The following VRTN variants were observed in gnomAD, a reference collection of about 807,000 sequenced individuals.
VRTN encodes vertebrae development associated, also known as vertnin.
Under a neutral mutation model 18.2 loss-of-function variants are expected in VRTN, and 5 were observed. The ratio of observed to expected loss-of-function variants is 0.27; its 90% confidence interval spans 0.14 to 0.58. VRTN has a LOEUF of 0.58. VRTN is among the 20% of genes least tolerant of loss of function. The pLI is 0.91. For missense variants in VRTN, 741 were observed against 939.4 expected (o/e 0.79, Z 2.76); for synonymous variants, 381 against 393.7 (o/e 0.97, Z 0.38).
At chr14:74,348,181 C>G (rs1020247050), upstream of VRTN, among the ~76,000 whole-genome samples, 21 of 152,306 alleles carry the variant, frequency 1.4e-4, no homozygotes, top group African/African-American at 5.1e-4. Flanking sequence ...AGACTTTCTT[C>G]CCCTAGGTCT....
chr14:74,338,440 A>G (rs983497193), intron 2 of VRTN, among the ~76,000 whole-genome samples: 3 of 152,242 alleles, frequency 2.0e-5, no homozygotes, highest in Non-Finnish European at 4.4e-5. Flanking sequence ...AGCTCTTACC[A>G]TAGAGAATTT....
At chr14:74,325,682 AT>A (rs2140198970) in intron 1 of VRTN, among the ~76,000 whole-genome samples, 1 of 152,222 alleles carries the variant, frequency 6.6e-6, no homozygotes, top group Non-Finnish European at 1.5e-5. Context: ...AGGCAGGAAG[AT>A]TGCTTGATCC....
chr14:74,331,544 T>TTATATATATATATATATATATA (rs1169929236), intron 1 of VRTN, among the ~76,000 whole-genome samples: 1 of 43,444 alleles, frequency 2.3e-5, no homozygotes, highest in Non-Finnish European at 4.9e-5. Flanking sequence ...AAAAAAAATT[T>TTATATATATATATATATATATA]TATATATATA....
At chr14:74,355,590 A>C (rs2085720493) in intron 1 of VRTN, among the ~76,000 whole-genome samples, 1 of 152,156 alleles carries the variant, frequency 6.6e-6, no homozygotes, top group Non-Finnish European at 1.5e-5. Flanking sequence ...GCTTGAGCAC[A>C]GTGGCATGAT....
intron 1 of VRTN, among the ~76,000 whole-genome samples, chr14:74,335,692 T>A (rs532204889): frequency 6.6e-6 from 1 of 152,200 alleles, no homozygotes; most frequent in African/African-American, 2.4e-5. Flanking sequence ...CTTAGAAATT[T>A]TCAATATAGG....
At chr14:74,350,354 C>T (rs762046905) in intron 1 of VRTN, among the ~76,000 whole-genome samples, 1 of 146,362 alleles carries the variant, frequency 6.8e-6, no homozygotes, top group African/African-American at 2.5e-5. Context: ...TGGGTGGAGC[C>T]GGGTGGAACT....
intron 1 of VRTN, among the ~76,000 whole-genome samples, chr14:74,332,182 A>G (rs2085530347): frequency 1.3e-5 from 2 of 151,920 alleles, no homozygotes; most frequent in African/African-American, 4.8e-5. Context: ...ATTTGCACAG[A>G]GGACCCCTCC....
At chr14:74,308,987 C>T (rs1413232088) in intron 1 of VRTN, among the ~76,000 whole-genome samples, 1 of 151,632 alleles carries the variant, frequency 6.6e-6, no homozygotes, top group Non-Finnish European at 1.5e-5. Flanking sequence ...CTCATCCTCT[C>T]GAGTAGCTGG....
Position 74,357,797 on chromosome 14 carries a change from G to A in VRTN, c.1014G>A (p.Arg338=). The A allele has an allele frequency of 1.2e-6, 2 of 1,613,106 alleles. 1 individual carries two copies. Among genetic ancestry groups the A allele is most frequent in the South Asian group, 2.2e-5 (2 of 91,078 alleles). The change falls in exon 2 of 2, where the codon CGG becomes CGA. Residue 338 remains arginine, a synonymous_variant. Coordinates refer to ENST00000256362, the MANE Select transcript of VRTN (RefSeq NM_018228.3). The surrounding 1 kb of genome is among the most constrained non-coding windows in gnomAD (Gnocchi z 7.8). ...GVVPLQQFLQ[R]FPEISRSTYY... is the part of the protein sequence containing the mutation. ...TGCCACTTCAGCAGTTCCTCCAGCG[G>A]TTCCCGGAGATCTCCCGCTCAACCT... is the stretch of plus-strand genomic sequence containing the variant.
chr14:74,312,910 G>A (rs565624144), intron 1 of VRTN, among the ~76,000 whole-genome samples: 6 of 151,800 alleles, frequency 4.0e-5, no homozygotes, highest in African/African-American at 1.2e-4. Flanking sequence ...GCCTGGCTAA[G>A]TTTTATATTT....
chr14:74,330,244 G>A (rs1235215699), intron 1 of VRTN, among the ~76,000 whole-genome samples: 7 of 152,014 alleles, frequency 4.6e-5, no homozygotes, highest in African/African-American at 7.2e-5. Context: ...CTTTTCTAAA[G>A]AAATGGAAGG....
intron 1 of VRTN, among the ~76,000 whole-genome samples, chr14:74,335,755 T>G (rs953452537): frequency 1.1e-4 from 16 of 151,836 alleles, no homozygotes; most frequent in Admixed American, 3.3e-4. Context: ...TTTTTTTTTT[T>G]TGTGAGATAG....
In VRTN at chr14:74,339,260, T is replaced by C. The variant is rs938506635; in HGVS notation, c.-2+1376T>C. On this transcript the variant is annotated intron_variant, in intron 2 of 2. Coordinates refer to the VRTN transcript ENST00000557177. The stretch of plus-strand genomic sequence containing the variant: ...CATTTCATTGGCCCTGTAAAGTAGA[T>C]ATCACTCGCCCCATTTCACAGATGA... 6.6e-5 allele frequency among the ~76,000 whole-genome samples: 10 copies of C among 152,242 alleles called. No homozygotes were observed. The East Asian group carries it at 1.9e-3, about 29-fold the overall frequency.
At chr14:74,306,807 T>C (rs1247155670) in intron 1 of VRTN, among the ~76,000 whole-genome samples, 1 of 151,740 alleles carries the variant, frequency 6.6e-6, no homozygotes, top group Admixed American at 6.6e-5. Flanking sequence ...GGTCTCACTA[T>C]ATTGCCCAGG....
chr14:74,307,101 A>G (rs767469763), intron 1 of VRTN, among the ~76,000 whole-genome samples: 2 of 151,136 alleles, frequency 1.3e-5, no homozygotes, highest in Non-Finnish European at 2.9e-5. Context: ...CTTAGTATAC[A>G]ATAAATCAAG....
Position 74,359,109 on chromosome 14 carries a change from T to C in VRTN, c.*217T>C, listed in dbSNP as rs975843035. 1.1e-6 allele frequency: 1 copy of C among 876,702 alleles called. No homozygotes were observed. Among genetic ancestry groups the C allele is most frequent in the Admixed American group, 3.6e-5 (1 of 28,136 alleles). The allele number at this position is 876,702 out of a possible 1,614,324, so 54.3% of individuals were successfully genotyped here. A position where few individuals can be genotyped will look rare whatever the true frequency, so the allele number is the denominator to read the frequency against. ...CCGTAGGAAACTGTGGGACCAGAGATATCCTCTTTCGTTGTTTGCTGGTCA... is the reference window on the plus strand; with the variant it reads ...CCGTAGGAAACTGTGGGACCAGAGACATCCTCTTTCGTTGTTTGCTGGTCA... On this transcript the variant is annotated 3_prime_UTR_variant, in exon 2 of 2. Coordinates refer to ENST00000256362, the MANE Select transcript of VRTN (RefSeq NM_018228.3).
Position 74,357,500 on chromosome 14 carries a change from T to C in VRTN, c.717T>C (p.Pro239=). 6.2e-7 allele frequency: 1 copy of C among 1,612,866 alleles called. No homozygotes were observed. Among genetic ancestry groups the C allele is most frequent in the South Asian group, 1.1e-5 (1 of 91,058 alleles). The change falls in exon 2 of 2, where the codon CCT becomes CCC. Residue 239 remains proline (P), a synonymous_variant. Transcript: ENST00000256362. The surrounding 1 kb of genome is among the most constrained non-coding windows in gnomAD (Gnocchi z 7.8). ...SHFFRHQYFA[P]VVGLEEVEAE... is the part of the protein sequence containing the mutation. ...TCTTCCGCCACCAGTACTTTGCCCC[T>C]GTGGTGGGGCTGGAAGAGGTGGAGG... is the stretch of plus-strand genomic sequence containing the variant.
At chr14:74,303,051 G>GAA (rs923156605), upstream of VRTN, 14 of 899,144 alleles carry the variant, frequency 1.6e-5, no homozygotes, top group Non-Finnish European at 2.0e-5. Flanking sequence ...GACTCTCCCG[G>GAA]AAGCGACCGA....
rs144946550 is a variant in VRTN, at chr14:74,356,852, C to T, written c.69C>T (p.Gly23=). The T allele has an allele frequency of 1.2e-6, 2 of 1,613,754 alleles. No homozygotes were observed. The highest frequency in any genetic ancestry group is 3.3e-5 in the Admixed American group (2 of 59,988). ...TGCAGGAAGCAGTGGAGTGCGAAGGCCTGGAGGGTCTCATAGGTGCTTCCT... is the reference window on the plus strand; with the variant it reads ...TGCAGGAAGCAGTGGAGTGCGAAGGTCTGGAGGGTCTCATAGGTGCTTCCT... ...QELQEAVECE[G]LEGLIGASLE... Residue 23 remains glycine (G), a synonymous_variant, in exon 2 of 2, where the codon GGC becomes GGT. Transcript: ENST00000256362.
Sources: gnomAD v4.1 joint callset for allele counts (sites outside exome capture counted in the v4.1 genomes callset) on GRCh38, gnomAD v4.1.1 for gene constraint, Gnocchi (gnomAD v3.1) non-coding constraint, MANE v1.5 for transcripts, NCBI Gene and HGNC (gene_info 2026-07-23, HGNC 2026-07-21) for gene names.